Variants in EHMT1 observed in about 807,000 individuals in gnomAD.
EHMT1 encodes euchromatic histone lysine methyltransferase 1, also known as histone-lysine N-methyltransferase EHMT1.
Under a neutral mutation model 147.2 loss-of-function variants are expected in EHMT1, and 15 were observed. The observed-to-expected ratio is 0.10, with a 90% CI of 0.07 to 0.16. The LOEUF (loss-of-function observed/expected upper bound fraction) is 0.16, where lower values mean the gene tolerates loss of function less well. Ranked by LOEUF, EHMT1 falls within the 10% of genes least tolerant of loss-of-function variation. The pLI, the probability that EHMT1 is intolerant of heterozygous loss-of-function variation, is 1.00. For missense variants in EHMT1, 1,587 were observed against 1,772.4 expected (o/e 0.90, Z 1.88); for synonymous variants, 795 against 709.6 (o/e 1.12, Z -1.91).
At chr9:137,687,871 G>C (rs981175449) in intron 1 of EHMT1, among the ~76,000 whole-genome samples, 1 of 152,240 alleles carries the variant, frequency 6.6e-6, no homozygotes, top group Admixed American at 6.5e-5. Flanking sequence ...GCACGTCATC[G>C]TGTCACCGTC....
intron 25 of EHMT1, among the ~76,000 whole-genome samples, chr9:137,830,499 C>T (rs184657072): frequency 2.0e-5 from 3 of 152,150 alleles, no homozygotes; most frequent in Non-Finnish European, 4.4e-5. Context: ...TTTTATCCAA[C>T]TTCTTTGATT....
intron 2 of EHMT1, among the ~76,000 whole-genome samples, chr9:137,713,998 T>C (rs759546792): frequency 2.6e-5 from 4 of 152,236 alleles, no homozygotes; most frequent in Non-Finnish European, 5.9e-5. Flanking sequence ...ATTTATCTTA[T>C]ATCCTATAAC....
rs377629839 is a variant in EHMT1, at chr9:137,752,420, C to T, written c.1248+12C>T. 1.6e-5 allele frequency: 25 copies of T among 1,612,466 alleles called. No individual in the cohort carries two copies. Among genetic ancestry groups the T allele is most frequent in the Middle Eastern group, 3.3e-4 (2 of 6,080 alleles). On this transcript the variant is annotated intron_variant, in intron 7 of 26. Transcript: ENST00000460843. ...ACGAGTCTGACCTGGTAATGCCCAGCGCCTCCTCCTGCGTCTGTGCTGATG... is the reference window on the plus strand; with the variant it reads ...ACGAGTCTGACCTGGTAATGCCCAGTGCCTCCTCCTGCGTCTGTGCTGATG...
intron 1 of EHMT1, among the ~76,000 whole-genome samples, chr9:137,663,242 T>G (rs1353569264): frequency 2.6e-5 from 4 of 152,358 alleles, no homozygotes. Context: ...GGGGACTTTC[T>G]TTGAAGCTAC....
intron 1 of EHMT1, among the ~76,000 whole-genome samples, chr9:137,639,896 C>T (rs775676302): frequency 1.1e-4 from 17 of 152,230 alleles, no homozygotes; most frequent in Non-Finnish European, 2.4e-4. Flanking sequence ...GCCCACTCAA[C>T]CCACCAGACA....
chr9:137,726,821 A>G (rs76174505), intron 3 of EHMT1, among the ~76,000 whole-genome samples: 461 of 152,140 alleles, frequency 3.0e-3, no homozygotes, highest in African/African-American at 9.6e-3. Context: ...TTCCATATGC[A>G]TTTCCCCAAT....
intron 1 of EHMT1, among the ~76,000 whole-genome samples, chr9:137,672,252 T>C (rs1940756448): frequency 6.6e-6 from 1 of 152,222 alleles, no homozygotes; most frequent in African/African-American, 2.4e-5. Flanking sequence ...TCATAAAGTG[T>C]TTTATGTTAA....
chr9:137,680,743 C>T (rs927431658), intron 1 of EHMT1, among the ~76,000 whole-genome samples: 7 of 152,206 alleles, frequency 4.6e-5, no homozygotes, highest in Admixed American at 1.3e-4. Flanking sequence ...GCACTGTGTG[C>T]GGGGCACCAC....
intron 1 of EHMT1, among the ~76,000 whole-genome samples, chr9:137,670,628 C>T (rs188407642): frequency 5.9e-5 from 9 of 152,310 alleles, no homozygotes; most frequent in Admixed American, 3.9e-4. Context: ...ACTGGTTTCC[C>T]TGGCCACCTG....
At chr9:137,753,355 T>C (rs985339614) in intron 7 of EHMT1, among the ~76,000 whole-genome samples, 2 of 152,118 alleles carry the variant, frequency 1.3e-5, no homozygotes, top group Admixed American at 1.3e-4. Flanking sequence ...GGCAGCTAGA[T>C]TTCCAGCAGC....
intron 1 of EHMT1, among the ~76,000 whole-genome samples, chr9:137,657,545 T>C (rs1360375773): frequency 6.6e-6 from 1 of 151,432 alleles, no homozygotes; most frequent in African/African-American, 2.4e-5. Context: ...TTTTTGTGGG[T>C]ACATAGTAGG....
intron 1 of EHMT1, among the ~76,000 whole-genome samples, chr9:137,703,544 G>T (rs371252867): frequency 1.3e-5 from 2 of 152,110 alleles, no homozygotes; most frequent in Non-Finnish European, 2.9e-5. Context: ...CAAGTTCAAA[G>T]TTCCACAGAT....
intron 4 of EHMT1, among the ~76,000 whole-genome samples, chr9:137,730,137 A>T (rs1426470246): frequency 6.6e-6 from 1 of 152,224 alleles, no homozygotes; most frequent in Non-Finnish European, 1.5e-5. Context: ...TCGTGGAGCG[A>T]CGCAGGTGAC....
intron 1 of EHMT1, among the ~76,000 whole-genome samples, chr9:137,707,871 C>T (rs561299018): frequency 6.6e-6 from 1 of 152,228 alleles, no homozygotes. Flanking sequence ...CCATGCTCCA[C>T]CCCGGCTCAT....
chr9:137,653,936 T>A (rs1034044620), intron 1 of EHMT1, among the ~76,000 whole-genome samples: 1 of 152,190 alleles, frequency 6.6e-6, no homozygotes, highest in African/African-American at 2.4e-5. Context: ...GGTATCCCCA[T>A]TGCTGAGAAA....
intron 1 of EHMT1, among the ~76,000 whole-genome samples, chr9:137,647,488 C>T (rs1161890222): frequency 1.3e-5 from 2 of 152,134 alleles, no homozygotes; most frequent in African/African-American, 2.4e-5. Context: ...GCTTCTTCTC[C>T]CTGCTTTTTG....
At chr9:137,746,885 C>T (rs1308104826) in intron 6 of EHMT1, 2 of 152,148 alleles carry the variant, frequency 1.3e-5, no homozygotes, top group Non-Finnish European at 2.9e-5. Flanking sequence ...CTGAATAACT[C>T]TAGGTATTTG....
At position 137,728,357 on chromosome 9, in the gene EHMT1, C is replaced by T. The variant is rs1007475711; in HGVS notation, c.651C>T (p.Ala217=). 6.2e-7 allele frequency: 1 copy of T among 1,614,026 alleles called. No individual in the cohort carries two copies. The highest frequency in any genetic ancestry group is 8.5e-7 in the Non-Finnish European group (1 of 1,180,038). The change falls in exon 4 of 27, where the codon GCC becomes GCT. Residue 217 remains alanine, a synonymous_variant. Coordinates refer to ENST00000460843, the MANE Select transcript of EHMT1 (RefSeq NM_024757.5). The part of the protein sequence containing the change: ...MPKSVVGLHA[A]SKDPREVREA... The stretch of plus-strand genomic sequence containing the variant: ...CTGTCTTTGTTTTGAAGCATGCAGC[C>T]AGTAAAGATCCCAGAGAAGTTCGAG...
At chr9:137,781,317 TGTGTGGTGATGACGCTGAGAC>T (rs1285065296) in intron 14 of EHMT1, among the ~76,000 whole-genome samples, 2,017 of 73,818 alleles carry the variant, frequency 0.027, 18 homozygotes, top group Admixed American at 0.042. Context: ...ATCACTGAGA[TGTGTGGTGATGACGCTGAGAC>T]GTGTGGTGAT....
Sources: allele counts gnomAD v4.1 joint callset (sites outside exome capture counted in the v4.1 genomes callset), GRCh38; gene constraint gnomAD v4.1.1; transcripts MANE v1.5; gene names NCBI Gene and HGNC (gene_info 2026-07-23, HGNC 2026-07-21).